Variants in SEC31B observed in about 807,000 individuals in gnomAD.
The protein encoded by SEC31B is protein transport protein Sec31B.
A neutral mutation model predicts 135.0 loss-of-function variants in SEC31B; 113 were observed. The observed-to-expected ratio is 0.84, with a 90% CI of 0.72 to 0.98. The LOEUF is 0.98. Among genes scored for constraint, SEC31B ranks in the 50% least tolerant of loss-of-function variants. The probability of loss-of-function intolerance (pLI) is 0.00; values close to 1 mark genes in which losing one functional copy is unlikely to be tolerated. For missense variants in SEC31B, 1,296 were observed against 1,421.1 expected (o/e 0.91, Z 1.42); for synonymous variants, 508 against 549.4 (o/e 0.92, Z 1.05).
At chr10:100,497,460 A>C in intron 16 of SEC31B, 180 bp from the exon 17 acceptor site, 1 of 1,471,582 alleles carries the variant, frequency 6.8e-7, no homozygotes, top group Non-Finnish European at 9.0e-7. Flanking sequence ...GTGACAAGAC[A>C]AGGTAAAACA....
intron 9 of SEC31B, 164 bp from the exon 10 acceptor site, chr10:100,505,659 G>A: frequency 7.0e-7 from 1 of 1,424,354 alleles, no homozygotes; most frequent in Non-Finnish European, 9.1e-7. Flanking sequence ...TAGCGAGGGT[G>A]GGACTCCCAT....
At chr10:100,511,743 GA>G in intron 3 of SEC31B, among the ~76,000 whole-genome samples, 1 of 152,294 alleles carries the variant, frequency 6.6e-6, no homozygotes, top group Non-Finnish European at 1.5e-5. Flanking sequence ...GAACTAAAGT[GA>G]AAAGAGTTTG....
chr10:100,493,613 A>G (rs1851346448), intron 19 of SEC31B, among the ~76,000 whole-genome samples: 3 of 152,218 alleles, frequency 2.0e-5, no homozygotes, highest in South Asian at 4.1e-4. Context: ...GGGAGGCAGA[A>G]TAAGTGCAGC....
chr10:100,497,948 C>A, intron 15 of SEC31B, 81 bp downstream of exon 15: 1 of 1,581,588 alleles, frequency 6.3e-7, no homozygotes, highest in Non-Finnish European at 8.6e-7. Context: ...GATACTCAAA[C>A]ATGGGTCCCA....
chr10:100,508,171 A>G, intron 5 of SEC31B, 120 bp from the exon 6 acceptor site: 1 of 1,216,736 alleles, frequency 8.2e-7, no homozygotes, highest in South Asian at 1.3e-5. Context: ...GGGCTACCCA[A>G]ACTAAGACAG....
At chr10:100,509,571 T>A (rs1438105053) in intron 3 of SEC31B, 60 bp from the exon 4 acceptor site, 2 of 1,360,688 alleles carry the variant, frequency 1.5e-6, no homozygotes, top group African/African-American at 1.5e-5. Context: ...AAGCACAGGA[T>A]GGGCATCTCT....
At position 100,499,143 on chromosome 10, in the gene SEC31B, C is replaced by T; in HGVS notation, c.1584+17G>A. On this transcript the variant is annotated intron_variant, in intron 13 of 25. Transcript: ENST00000370345. Reference sequence around the variant, plus strand: ...CCTGTGTTACCATAGGTCAGGCTGACTGGACTCCTACCACACCTGGCTGCA... The same window carrying T: ...CCTGTGTTACCATAGGTCAGGCTGATTGGACTCCTACCACACCTGGCTGCA... 2 of 1,609,004 alleles carry T rather than the reference C, an allele frequency of 1.2e-6. No homozygotes were observed. Among genetic ancestry groups the T allele is most frequent in the African/African-American group, 1.3e-5 (1 of 74,942 alleles).
At chr10:100,516,708 C>G (rs1486965132) in intron 2 of SEC31B, among the ~76,000 whole-genome samples, 166 bp downstream of exon 2, 1 of 151,646 alleles carries the variant, frequency 6.6e-6, no homozygotes, top group Non-Finnish European at 1.5e-5. Context: ...TCCTAGGCAG[C>G]CCTCAGGTAC....
chr10:100,491,818 G>T (rs939377070), intron 19 of SEC31B, among the ~76,000 whole-genome samples: 3 of 152,264 alleles, frequency 2.0e-5, no homozygotes, highest in African/African-American at 4.8e-5. Context: ...TTTAGGTCAT[G>T]AGGGCTCTGC....
In SEC31B at chr10:100,519,257, A is replaced by C. The variant is rs1564655852; in HGVS notation, c.-46+525T>G. On this transcript the variant is annotated intron_variant, in intron 1 of 25. Coordinates refer to ENST00000370345, the MANE Select transcript of SEC31B (RefSeq NM_015490.4). ...ATTGTTAAGAGGCATCTATTCACAA[A>C]AAAAGGGCCCCCGCTGGGGTCAGAT... 2.0e-5 allele frequency among the ~76,000 whole-genome samples: 3 copies of C among 152,236 alleles called. No homozygotes were observed. In the South Asian group the frequency reaches 6.2e-4, roughly 32 times the overall value.
chr10:100,508,053 T>A lies in SEC31B; in HGVS notation c.496-2A>T. 6.2e-7 allele frequency: 1 copy of A among 1,614,186 alleles called. No individual in the cohort carries two copies. The highest frequency in any genetic ancestry group is 1.1e-5 in the South Asian group (1 of 91,078). Reference sequence around the variant, plus strand: ...TGCCTTGATGTCCTCTGGAGGCTGCTAAGGCAGGATGGGGACAGAAAGATG... The same window carrying A: ...TGCCTTGATGTCCTCTGGAGGCTGCAAAGGCAGGATGGGGACAGAAAGATG... On this transcript the variant is annotated splice_acceptor_variant, in intron 5 of 25. Coordinates refer to ENST00000370345, the MANE Select transcript of SEC31B (RefSeq NM_015490.4). LOFTEE classifies it high-confidence loss of function.
rs111248090 is a variant in SEC31B, at chr10:100,487,660, T to G, written c.3496A>C (p.Ile1166Leu). 5.6e-6 allele frequency: 9 copies of G among 1,613,584 alleles called. No homozygotes were observed. The East Asian group carries it at 1.6e-4, about 28-fold the overall frequency. Residue 1166 changes from isoleucine to leucine, a missense_variant, in exon 26 of 26, where the codon ATC becomes CTC. By Grantham distance (5) the Ile-to-Leu change is conservative (BLOSUM62 2). Coordinates refer to ENST00000370345, the MANE Select transcript of SEC31B (RefSeq NM_015490.4). ...SFSEVSSFMP[I>L]LKAVLIIAHK... ...GCGATGATGAGGACAGCCTTCAGGATAGGCATGAAGCTGGACACCTCGCTG... is the reference window on the plus strand; with the variant it reads ...GCGATGATGAGGACAGCCTTCAGGAGAGGCATGAAGCTGGACACCTCGCTG...
intron 13 of SEC31B, 34 bp from the exon 14 acceptor site, chr10:100,498,838 GA>G (rs1851463763): frequency 8.0e-6 from 12 of 1,503,968 alleles, no homozygotes; most frequent in Non-Finnish European, 1.0e-5. Context: ...ACTACTTAGG[GA>G]TGAACCCAAG....
chr10:100,490,645 G>T, intron 20 of SEC31B, 61 bp downstream of exon 20: 1 of 1,451,626 alleles, frequency 6.9e-7, no homozygotes. Context: ...TGCTGGCCAT[G>T]CCAATTGCTT....
intron 3 of SEC31B, among the ~76,000 whole-genome samples, chr10:100,515,885 C>A (rs3750627): frequency 0.21 from 31,713 of 151,688 alleles, 3,436 homozygotes; most frequent in South Asian, 0.23. Context: ...ATGCATTCAG[C>A]CTGACACTGC....
intron 17 of SEC31B, 68 bp downstream of exon 17, chr10:100,497,067 C>T: frequency 2.5e-6 from 4 of 1,576,878 alleles, no homozygotes; most frequent in Non-Finnish European, 2.6e-6. Flanking sequence ...GCTAGCTCTG[C>T]ACATCTCCAC....
intron 3 of SEC31B, among the ~76,000 whole-genome samples, chr10:100,515,598 AG>A (rs1851818380): frequency 6.6e-6 from 1 of 152,222 alleles, no homozygotes. Flanking sequence ...AAATGTACAG[AG>A]CCCCTAGCAC....
chr10:100,519,683 G>C (rs946813576), intron 1 of SEC31B, 99 bp downstream of exon 1: 5 of 152,284 alleles, frequency 3.3e-5, no homozygotes, highest in African/African-American at 1.2e-4. Flanking sequence ...TCCGCAGCAA[G>C]CGGGCTCCCC....
chr10:100,507,252 G>A (rs377178993), intron 7 of SEC31B, among the ~76,000 whole-genome samples, 173 bp downstream of exon 7: 50 of 152,328 alleles, frequency 3.3e-4, no homozygotes, highest in African/African-American at 1.2e-3. Context: ...CAGGGTCTAA[G>A]GGCCTCCTCT....
Sources: allele counts gnomAD v4.1 joint callset (sites outside exome capture counted in the v4.1 genomes callset), GRCh38; gene constraint gnomAD v4.1.1; transcripts MANE v1.5; gene names NCBI Gene and HGNC (gene_info 2026-07-23, HGNC 2026-07-21).